Variants in TUSC3 observed in about 807,000 individuals in gnomAD.
The protein encoded by TUSC3 is dolichyl-diphosphooligosaccharide--protein glycosyltransferase subunit TUSC3.
Under a neutral mutation model 44.8 loss-of-function variants are expected in TUSC3, and 45 were observed. The observed-to-expected ratio is 1.00, with a 90% CI of 0.79 to 1.29. The LOEUF (loss-of-function observed/expected upper bound fraction) is 1.29, where lower values mean the gene tolerates loss of function less well. TUSC3 is among the 50% of genes most tolerant of loss of function. TUSC3 has a pLI of 0.00. For synonymous variants in TUSC3, 212 were observed against 152.9 expected (o/e 1.39, Z -2.85); for missense variants, 519 against 437.9 (o/e 1.19, Z -1.65).
the TUSC3 span, among the ~76,000 whole-genome samples, chr8:15,771,843 C>T: frequency 6.6e-6 from 1 of 152,114 alleles, no homozygotes; most frequent in Non-Finnish European, 1.5e-5. Context: ...AATCCCAGCA[C>T]TTTGGGAGGC....
chr8:15,572,347 C>T (rs1399212597), intron 1 of TUSC3, among the ~76,000 whole-genome samples: 2 of 152,148 alleles, frequency 1.3e-5, no homozygotes, highest in African/African-American at 4.8e-5. Flanking sequence ...AATTTTTCTT[C>T]TGTAGCTTCC....
chr8:15,724,132 C>T (rs1810410303), intron 6 of TUSC3, among the ~76,000 whole-genome samples: 2 of 152,112 alleles, frequency 1.3e-5, no homozygotes, highest in South Asian at 2.1e-4. Flanking sequence ...TGTCTGCTCA[C>T]AAAGAAGAGG....
At chr8:15,693,276 T>G (rs1228678919) in intron 6 of TUSC3, among the ~76,000 whole-genome samples, 1 of 152,124 alleles carries the variant, frequency 6.6e-6, no homozygotes, top group Non-Finnish European at 1.5e-5. Context: ...TAAGTATATT[T>G]TTATAGTGGC....
intron 1 of TUSC3, among the ~76,000 whole-genome samples, chr8:15,622,129 A>C (rs11782065): frequency 0.22 from 33,486 of 151,948 alleles, 4,447 homozygotes; most frequent in Non-Finnish European, 0.3. Context: ...AGCTTGGTTA[A>C]ATGGCACATT....
chr8:15,523,854 G>C (rs182291072), intron 2 of TUSC3, among the ~76,000 whole-genome samples: 1 of 151,050 alleles, frequency 6.6e-6, no homozygotes, highest in Non-Finnish European at 1.5e-5. Flanking sequence ...TCAAGAAATC[G>C]AGACCATCCT....
intron 7 of TUSC3, among the ~76,000 whole-genome samples, chr8:15,737,293 A>G (rs1258816884): frequency 2.0e-5 from 3 of 152,148 alleles, no homozygotes; most frequent in African/African-American, 7.2e-5. Context: ...TCTATCTTTA[A>G]ATTGAAAACA....
intron 3 of TUSC3, among the ~76,000 whole-genome samples, chr8:15,653,274 T>C (rs769250859): frequency 6.6e-6 from 1 of 152,090 alleles, no homozygotes; most frequent in African/African-American, 2.4e-5. Context: ...GTAGAAGAAA[T>C]GTAGGCCACA....
At chr8:15,495,697 G>A (rs1017131181) in intron 2 of TUSC3, among the ~76,000 whole-genome samples, 6 of 152,110 alleles carry the variant, frequency 3.9e-5, no homozygotes, top group African/African-American at 1.4e-4. Context: ...GATCTTGCTG[G>A]GTTACTCTTC....
intron 6 of TUSC3, among the ~76,000 whole-genome samples, chr8:15,730,335 A>T (rs1810666467): frequency 6.6e-6 from 1 of 152,150 alleles, no homozygotes; most frequent in South Asian, 2.1e-4. Context: ...AAATCATAAA[A>T]ATGTTTTGCT....
Position 15,626,425 on chromosome 8 carries a change from C to T in TUSC3, c.308+3176C>T, listed in dbSNP as rs376422002. Reference sequence around the variant, plus strand: ...CTGTGCTCCATAGAGCCAGTGGGAGCGGGGAGCAGACAGTAGCCCTACCCT... The same window carrying T: ...CTGTGCTCCATAGAGCCAGTGGGAGTGGGGAGCAGACAGTAGCCCTACCCT... On this transcript the variant is annotated intron_variant, in intron 2 of 10. Transcript: ENST00000503731. 1.4e-4 allele frequency among the ~76,000 whole-genome samples: 22 copies of T among 152,280 alleles called. No individual in the cohort carries two copies. In the East Asian group the frequency reaches 2.1e-3, roughly 15 times the overall value.
At chr8:15,758,297 T>C (rs1447389233) in intron 10 of TUSC3, 4 of 961,598 alleles carry the variant, frequency 4.2e-6, no homozygotes, top group Non-Finnish European at 1.2e-6. Flanking sequence ...TACTGAAAAC[T>C]TTTTTAAAAT....
chr8:15,601,170 T>C (rs1804274334), intron 1 of TUSC3, among the ~76,000 whole-genome samples: 1 of 151,742 alleles, frequency 6.6e-6, no homozygotes, highest in Non-Finnish European at 1.5e-5. Flanking sequence ...AGGAGGAGTT[T>C]TAAACTCATT....
chr8:15,590,461 C>G (rs867630475), intron 1 of TUSC3, among the ~76,000 whole-genome samples: 2 of 152,124 alleles, frequency 1.3e-5, no homozygotes, highest in Middle Eastern at 3.4e-3. Context: ...TCTTCTCTCT[C>G]CCAGCATCTA....
the TUSC3 span, among the ~76,000 whole-genome samples, chr8:15,780,568 C>T: frequency 2.0e-5 from 3 of 152,216 alleles, no homozygotes; most frequent in Admixed American, 6.5e-5. Flanking sequence ...TGCCAGCATA[C>T]TCTGCCGCCT....
At chr8:15,698,136 T>C (rs1307024956) in intron 6 of TUSC3, among the ~76,000 whole-genome samples, 1 of 152,228 alleles carries the variant, frequency 6.6e-6, no homozygotes, top group Non-Finnish European at 1.5e-5. Flanking sequence ...TATTGAAGTT[T>C]ATAATATTCA....
upstream of TUSC3, chr8:15,540,255 GCT>G (rs761637643): frequency 3.3e-4 from 286 of 877,878 alleles, no homozygotes; most frequent in Non-Finnish European, 4.3e-4. Flanking sequence ...TGAACCGGAT[GCT>G]CTGTCAGTCT....
intron 9 of TUSC3, among the ~76,000 whole-genome samples, chr8:15,753,444 T>C (rs552308686): frequency 6.6e-6 from 1 of 152,224 alleles, no homozygotes; most frequent in Non-Finnish European, 1.5e-5. Flanking sequence ...TTATATAGTA[T>C]AACTGTTCCC....
the TUSC3 span, among the ~76,000 whole-genome samples, chr8:15,796,205 G>C: frequency 4.6e-5 from 7 of 152,272 alleles, 1 homozygote; most frequent in Middle Eastern, 3.4e-3. Context: ...GGCAGCCAAG[G>C]TAACAATCTG....
chr8:15,632,087 T>G (rs1805795789), intron 2 of TUSC3, among the ~76,000 whole-genome samples: 1 of 152,206 alleles, frequency 6.6e-6, no homozygotes, highest in African/African-American at 2.4e-5. Flanking sequence ...TCTTACTATA[T>G]AATTCATATT....
Sources: allele counts gnomAD v4.1 joint callset (sites outside exome capture counted in the v4.1 genomes callset), GRCh38; gene constraint gnomAD v4.1.1; transcripts MANE v1.5; gene names NCBI Gene and HGNC (gene_info 2026-07-23, HGNC 2026-07-21).